NOS1: variants seen among roughly 807,000 people sequenced by gnomAD.
NOS1 encodes NOS type I.
A neutral mutation model predicts 164.5 loss-of-function variants in NOS1; 51 were observed. That is an observed-to-expected ratio of 0.31 (90% CI 0.25 to 0.39). The LOEUF is 0.39. Among genes scored for constraint, NOS1 ranks in the 10% least tolerant of loss-of-function variants. The probability of loss-of-function intolerance (pLI) is 1.00; values close to 1 mark genes in which losing one functional copy is unlikely to be tolerated. For synonymous variants in NOS1, 719 were observed against 745.8 expected (o/e 0.96, Z 0.59); for missense variants, 1,362 against 1,885.6 (o/e 0.72, Z 5.14).
At chr12:117,338,225 CA>C (rs1040375564) in intron 1 of NOS1, among the ~76,000 whole-genome samples, 1 of 148,956 alleles carries the variant, frequency 6.7e-6, no homozygotes, top group Non-Finnish European at 1.5e-5. Flanking sequence ...TCAAACAAAA[CA>C]AAAAAAAACA....
chr12:117,336,343 T>A (rs1328244441), intron 1 of NOS1, among the ~76,000 whole-genome samples: 1 of 152,182 alleles, frequency 6.6e-6, no homozygotes, highest in African/African-American at 2.4e-5. Context: ...TCTAGCTTCC[T>A]CATGCAGAAA....
At chr12:117,293,159 T>G (rs1474892277) in intron 3 of NOS1, among the ~76,000 whole-genome samples, 1 of 152,152 alleles carries the variant, frequency 6.6e-6, no homozygotes, top group East Asian at 1.9e-4. Flanking sequence ...GGCGCCATGT[T>G]GGAGCCTGGG....
chr12:117,211,133 T>G lies in NOS1; in HGVS notation c.*4176A>C. The G allele has an allele frequency of 1.5e-6, 1 of 649,018 alleles. No homozygotes were observed. Among genetic ancestry groups the G allele is most frequent in the East Asian group, 1.4e-4 (1 of 7,274 alleles). The allele number at this position is 649,018 out of a possible 1,614,324, so 40.2% of individuals were successfully genotyped here. ...CACCATGCCCAGCTAATTTTTGTAT[T>G]TTCTTAGTAGAGTCAGGGTTTCTAC... On this transcript the variant is annotated 3_prime_UTR_variant, in exon 29 of 29. Transcript: ENST00000317775.
chr12:117,222,678 G>A, intron 26 of NOS1, 37 bp downstream of exon 26: 2 of 1,605,080 alleles, frequency 1.2e-6, no homozygotes, highest in Non-Finnish European at 1.7e-6. Context: ...GTGCATGTGT[G>A]TTGGGCTGGG....
intron 5 of NOS1, 56 bp from the exon 6 acceptor site, chr12:117,286,322 A>T (rs751092862): frequency 6.3e-7 from 1 of 1,583,408 alleles, no homozygotes; most frequent in East Asian, 2.3e-5. Context: ...ATTAGAAGTT[A>T]GTGGAAGGGG....
Position 117,225,057 on chromosome 12 carries a change from C to A in NOS1, c.3785G>T (p.Arg1262Leu). The A allele has an allele frequency of 6.2e-7, 1 of 1,614,158 alleles. No homozygotes were observed. The highest frequency in any genetic ancestry group is 8.5e-7 in the Non-Finnish European group (1 of 1,180,040). The change falls in exon 25 of 29, where the codon CGA becomes CTA. Residue 1262 changes from arginine (R) to leucine (L), a missense_variant. Arg to Leu is a moderately radical substitution (Grantham distance 102). This residue lies in a region of NOS1 where 737 missense variants were observed against 1,030.3 expected (regional missense o/e 0.72). Coordinates refer to ENST00000317775, the MANE Select transcript of NOS1 (RefSeq NM_000620.5). ...AAATTGCCGCTGTTGCCAGAAGCTT[C>A]GGAAAGGGGCAATGCCGGTGCCTGG... ...VGPGTGIAPF[R>L]SFWQQRQFDI...
chr12:117,331,751 T>C (rs1875559176), intron 1 of NOS1, among the ~76,000 whole-genome samples: 1 of 152,180 alleles, frequency 6.6e-6, no homozygotes, highest in African/African-American at 2.4e-5. Flanking sequence ...TGGGCAAACA[T>C]GGACAGTCAG....
At position 117,231,876 on chromosome 12, in the gene NOS1, G is replaced by A. The variant is rs1018302588; in HGVS notation, c.3405+86C>T. 2.9e-6 allele frequency: 4 copies of A among 1,395,296 alleles called. No individual in the cohort carries two copies. The African/African-American group carries it at 4.3e-5, about 15-fold the overall frequency. The allele number at this position is 1,395,296 out of a possible 1,614,324, so 86.4% of individuals were successfully genotyped here. On this transcript the variant is annotated intron_variant, in intron 22 of 28. Transcript: ENST00000317775. ...CTTGGCTCAAGACTTCCATCTGCTG[G>A]AAGCCTGGTAATAACAGTTTTCAAC...
intron 24 of NOS1, among the ~76,000 whole-genome samples, chr12:117,225,745 C>A (rs1263149462): frequency 2.6e-5 from 4 of 152,174 alleles, no homozygotes; most frequent in East Asian, 1.9e-4. Context: ...CCTGTCTCGG[C>A]CTCCCAAGTA....
chr12:117,312,540 C>T (rs141927042), intron 2 of NOS1, among the ~76,000 whole-genome samples: 150 of 152,228 alleles, frequency 9.9e-4, no homozygotes, highest in African/African-American at 3.2e-3. Context: ...CTCAGCCTCC[C>T]GAGTAGCTGG....
intron 1 of NOS1, among the ~76,000 whole-genome samples, chr12:117,360,174 C>T (rs1361695293): frequency 6.6e-6 from 1 of 151,722 alleles, no homozygotes; most frequent in African/African-American, 2.4e-5. Flanking sequence ...CTGCCTTCTC[C>T]GTGAGAGCCT....
rs1001958677 is a variant in NOS1 at position 117,231,959 on chromosome 12, C to T, written c.3405+3G>A. On this transcript the variant is annotated splice_donor_region_variant and intron_variant, in intron 22 of 28. Transcript: ENST00000317775. ...TAGGGTTGTGCGAAGCCTGGGGACC[C>T]ACCTTGCTGAGGACCAGCAGACGCT... is the stretch of plus-strand genomic sequence containing the variant. 7 of 1,610,838 alleles carry T rather than the reference C, an allele frequency of 4.3e-6. No individual in the cohort carries two copies. In the Admixed American group the frequency reaches 1.2e-4, roughly 27 times the overall value.
chr12:117,223,860 GAC>G (rs1399627348), intron 25 of NOS1, among the ~76,000 whole-genome samples: 2 of 152,124 alleles, frequency 1.3e-5, no homozygotes, highest in South Asian at 4.1e-4. Flanking sequence ...CACCATGTTG[GAC>G]AGGCTGGTCT....
intron 1 of NOS1, among the ~76,000 whole-genome samples, chr12:117,340,661 C>T (rs1364931245): frequency 1.3e-5 from 2 of 152,068 alleles, no homozygotes; most frequent in East Asian, 3.9e-4. Context: ...TCCTGAGTAG[C>T]TGGGACTACA....
rs1956527280 is a variant in NOS1 at position 117,211,458 on chromosome 12, C to A, written c.*3851G>T. On this transcript the variant is annotated 3_prime_UTR_variant, in exon 29 of 29. Coordinates refer to ENST00000317775, the MANE Select transcript of NOS1 (RefSeq NM_000620.5). ...CCAGAACTTTCTTTTCCAAGTATAA[C>A]TCCAATCGCCTTAATGTCCCTTTTT... 1.0e-6 allele frequency: 1 copy of A among 984,830 alleles called. No individual in the cohort carries two copies. The highest frequency in any genetic ancestry group is 1.2e-6 in the Non-Finnish European group (1 of 829,552). 61.0% of individuals were successfully genotyped at this position (984,830 alleles called of 1,614,324 possible). A position where few individuals can be genotyped will look rare whatever the true frequency, so the allele number is the denominator to read the frequency against.
intron 21 of NOS1, among the ~76,000 whole-genome samples, chr12:117,233,034 C>T (rs553951224): frequency 5.7e-4 from 50 of 88,368 alleles, no homozygotes; most frequent in African/African-American, 2.3e-3. Flanking sequence ...TGCCTCACTA[C>T]TTTTTTTTTT....
rs1872847737 is a variant in NOS1, at chr12:117,272,299, C to T, written c.1839+86G>A. On this transcript the variant is annotated intron_variant, in intron 10 of 28. Transcript: ENST00000317775. The surrounding 1 kb of genome is among the most constrained non-coding windows in gnomAD (Gnocchi z 4.3). Reference sequence around the variant, plus strand: ...CTAACCCCTTCAAGTTTCCAAGCCACCAAGCTCGCCGTGGGGAAGGGGACT... The same window carrying T: ...CTAACCCCTTCAAGTTTCCAAGCCATCAAGCTCGCCGTGGGGAAGGGGACT... 1 of 1,489,200 alleles carries T rather than the reference C, an allele frequency of 6.7e-7. No homozygotes were observed. The highest frequency in any genetic ancestry group is 1.2e-5 in the South Asian group (1 of 86,320). 92.2% of individuals were successfully genotyped at this position (1,489,200 alleles called of 1,614,324 possible). A position where few individuals can be genotyped will look rare whatever the true frequency, so the allele number is the denominator to read the frequency against.
In NOS1 at chr12:117,213,543, T is replaced by G. The variant is rs1193000496; in HGVS notation, c.*1766A>C. The G allele has an allele frequency of 7.1e-6, 7 of 985,322 alleles. No individual in the cohort carries two copies. The highest frequency in any genetic ancestry group is 8.4e-6 in the Non-Finnish European group (7 of 829,956). The allele number at this position is 985,322 out of a possible 1,614,324, so 61.0% of individuals were successfully genotyped here. A position where few individuals can be genotyped will look rare whatever the true frequency, so the allele number is the denominator to read the frequency against. Reference sequence around the variant, plus strand: ...GAGCAAGGTGAGTCATAGATTGCCTTTTCACTTTAACAGTCTCCTGGCCTG... The same window carrying G: ...GAGCAAGGTGAGTCATAGATTGCCTGTTCACTTTAACAGTCTCCTGGCCTG... On this transcript the variant is annotated 3_prime_UTR_variant, in exon 29 of 29. Transcript: ENST00000317775.
At chr12:117,301,046 A>G (rs1017189972) in intron 3 of NOS1, among the ~76,000 whole-genome samples, 3 of 152,176 alleles carry the variant, frequency 2.0e-5, no homozygotes, top group Non-Finnish European at 4.4e-5. Flanking sequence ...TCTTGAAAGT[A>G]GAAGTTTTCA....
Sources: allele counts gnomAD v4.1 joint callset (sites outside exome capture counted in the v4.1 genomes callset), GRCh38; gene constraint gnomAD v4.1.1; regional missense constraint gnomAD v4.1.1; non-coding constraint Gnocchi (gnomAD v3.1); transcripts MANE v1.5; gene names NCBI Gene and HGNC (gene_info 2026-07-23, HGNC 2026-07-21).